METTL22: variants seen among roughly 807,000 people sequenced by gnomAD.
METTL22 encodes methyltransferase 22, Kin17 lysine.
A neutral mutation model predicts 48.4 loss-of-function variants in METTL22; 51 were observed. The observed-to-expected ratio is 1.05, with a 90% CI of 0.84 to 1.33. The LOEUF (loss-of-function observed/expected upper bound fraction) is 1.33. METTL22 is among the 40% of genes most tolerant of loss of function. METTL22 has a pLI of 0.00. For missense variants in METTL22, 678 were observed against 526.9 expected (o/e 1.29, Z -2.81); for synonymous variants, 255 against 214.1 (o/e 1.19, Z -1.67).
chr16:8,632,318 G>T (rs532402630), intron 3 of METTL22, among the ~76,000 whole-genome samples: 1 of 152,254 alleles, frequency 6.6e-6, no homozygotes, highest in African/African-American at 2.4e-5. Context: ...TCTTAGATCA[G>T]TTCTTGGTCA....
Position 8,648,763 on chromosome 16 carries a change from G to C in METTL22, c.*2620G>C, listed in dbSNP as rs1036671824. The C allele has an allele frequency of 6.6e-6, 1 of 152,248 alleles. No homozygotes were observed. The highest frequency in any genetic ancestry group is 6.5e-5 in the Admixed American group (1 of 15,272). 9.4% of individuals were successfully genotyped at this position (152,248 alleles called of 1,614,324 possible). ...GACTGCACCATTGCACTCTGGCCTG[G>C]GCAACAGAGAGAGATCCTGTCTCCA... is the stretch of plus-strand genomic sequence containing the variant. On this transcript the variant is annotated 3_prime_UTR_variant, in exon 11 of 11. Coordinates refer to ENST00000381920, the MANE Select transcript of METTL22 (RefSeq NM_024109.4).
chr16:8,645,932 C>A, intron 10 of METTL22, 176 bp from the exon 11 acceptor site: 1 of 1,407,686 alleles, frequency 7.1e-7, no homozygotes, highest in Non-Finnish European at 9.2e-7. Context: ...TAAAATAGAA[C>A]AGCCCAGAGC....
chr16:8,641,504 G>T (rs1235820382), intron 7 of METTL22: 2 of 528,812 alleles, frequency 3.8e-6, no homozygotes, highest in Non-Finnish European at 7.3e-6. Flanking sequence ...GCATAGACCC[G>T]AGTTTGTCAG....
the METTL22 span, among the ~76,000 whole-genome samples, chr16:8,664,562 T>A: frequency 6.6e-6 from 1 of 152,122 alleles, no homozygotes; most frequent in African/African-American, 2.4e-5. Context: ...CAAGCAGTGC[T>A]CCCACCTTGG....
At chr16:8,652,625 C>T (rs1477169185), downstream of METTL22, among the ~76,000 whole-genome samples, 2 of 151,882 alleles carry the variant, frequency 1.3e-5, no homozygotes, top group Non-Finnish European at 2.9e-5. Context: ...TGAGACCAGC[C>T]TGGGCAACAT....
At position 8,625,723 on chromosome 16, in the gene METTL22, G is replaced by A. The variant is rs532959317; in HGVS notation, c.58G>A (p.Val20Met). ...MDEVTFRSDT[V>M]LSDVHLYTPN... ...CGAGGTCACCTTTAGGAGCGACACT[G>A]TGCTGTCAGATGTCCACCTCTATAC... The change falls in exon 2 of 11, where the codon GTG becomes ATG. Residue 20 changes from valine to methionine, a missense_variant. Physicochemically the swap from Val to Met is conservative, Grantham distance 21. Coordinates refer to ENST00000381920, the MANE Select transcript of METTL22 (RefSeq NM_024109.4). 4 of 1,614,196 alleles carry A rather than the reference G, an allele frequency of 2.5e-6. No individual in the cohort carries two copies. The highest frequency in any genetic ancestry group is 1.1e-5 in the South Asian group (1 of 91,082).
In METTL22 at chr16:8,642,198, G is replaced by T. The variant is rs1173233031; in HGVS notation, c.898G>T (p.Ala300Ser). ...GTACGATCACACCACCATCCTGTTT[G>T]CAGCCGAAGGTAAGAAAATTTCTCC... is the stretch of plus-strand genomic sequence containing the variant. ...DLYDHTTILF[A>S]AEVFYDDDLT... The change falls in exon 8 of 11, where the codon GCA (alanine) becomes TCA (serine). Residue 300 changes from alanine (A) to serine (S), a missense_variant. Ala to Ser is a moderately conservative substitution (Grantham distance 99). Transcript: ENST00000381920. 1 of 1,613,088 alleles carries T rather than the reference G, an allele frequency of 6.2e-7. No homozygotes were observed. The highest frequency in any genetic ancestry group is 1.1e-5 in the South Asian group (1 of 91,066).
intron 1 of METTL22, 89 bp from the exon 2 acceptor site, chr16:8,625,407 T>C: frequency 3.4e-6 from 1 of 289,950 alleles, no homozygotes; most frequent in Admixed American, 5.0e-5. Flanking sequence ...AAGGTTACTA[T>C]GAAAATGAAT....
In METTL22 at chr16:8,635,209, C is replaced by G. The variant is rs763995647; in HGVS notation, c.597C>G (p.Phe199Leu). Residue 199 changes from phenylalanine to leucine, a missense_variant, in exon 5 of 11, where the codon TTC becomes TTG. Phe to Leu is a conservative substitution (Grantham distance 22). Coordinates refer to ENST00000381920, the MANE Select transcript of METTL22 (RefSeq NM_024109.4). ...GALLLADYIL[F>L]RQDLFRGCTA... ...TGCTCCTGGCAGACTACATCCTGTT[C>G]CGACAGGACCTCTTCCGAGGATGTA... 5 of 1,610,878 alleles carry G rather than the reference C, an allele frequency of 3.1e-6. No homozygotes were observed. Among genetic ancestry groups the G allele is most frequent in the East Asian group, 2.2e-5 (1 of 44,824 alleles).
At chr16:8,642,635 T>C in intron 9 of METTL22, 70 bp downstream of exon 9, 1 of 1,400,598 alleles carries the variant, frequency 7.1e-7, no homozygotes, top group Non-Finnish European at 1.0e-6. Flanking sequence ...CCTAATTGTG[T>C]CCTTGTCAGT....
At chr16:8,624,275 A>G (rs931070272) in intron 1 of METTL22, among the ~76,000 whole-genome samples, 2 of 151,924 alleles carry the variant, frequency 1.3e-5, no homozygotes, top group South Asian at 2.1e-4. Flanking sequence ...AGTTTTAGTT[A>G]TTAATGTGTC....
chr16:8,645,243 G>A (rs540600466), intron 10 of METTL22, among the ~76,000 whole-genome samples: 11 of 152,282 alleles, frequency 7.2e-5, no homozygotes, highest in Middle Eastern at 3.4e-3. Flanking sequence ...CTCTATGTCT[G>A]TGGAGACCCG....
At chr16:8,665,581 C>T in the METTL22 span, among the ~76,000 whole-genome samples, 3 of 152,218 alleles carry the variant, frequency 2.0e-5, no homozygotes, top group African/African-American at 4.8e-5. Context: ...ATCTGGTTAA[C>T]AAGTACCCAG....
the METTL22 span, among the ~76,000 whole-genome samples, chr16:8,662,483 A>G: frequency 6.9e-6 from 1 of 144,320 alleles, no homozygotes; most frequent in Admixed American, 7.1e-5. Context: ...CTCAGGCTTC[A>G]GGAAACAACT....
intron 4 of METTL22, 30 bp from the exon 5 acceptor site, chr16:8,635,138 G>A (rs375121941): frequency 6.2e-7 from 1 of 1,613,832 alleles, no homozygotes; most frequent in African/African-American, 1.3e-5. Flanking sequence ...GCCTCACGCT[G>A]CTTGTCGCTC....
chr16:8,628,251 G>A (rs960627756), intron 2 of METTL22, among the ~76,000 whole-genome samples: 1 of 152,196 alleles, frequency 6.6e-6, no homozygotes, highest in African/African-American at 2.4e-5. Context: ...TGTACCCCCA[G>A]CACCTGGCAT....
chr16:8,662,283 A>G, the METTL22 span, among the ~76,000 whole-genome samples: 2 of 145,442 alleles, frequency 1.4e-5, 1 homozygote, highest in South Asian at 4.4e-4. Context: ...GGTGGGATCT[A>G]ACACCGGTTC....
chr16:8,664,159 C>G, the METTL22 span, among the ~76,000 whole-genome samples: 2 of 151,442 alleles, frequency 1.3e-5, no homozygotes, highest in Admixed American at 6.6e-5. Context: ...GTGATGTCGG[C>G]TCACTGCATC....
Position 8,646,242 on chromosome 16 carries a change from T to C in METTL22, c.*99T>C. The C allele has an allele frequency of 6.7e-7, 1 of 1,482,628 alleles. No individual in the cohort carries two copies. The highest frequency in any genetic ancestry group is 1.4e-5 in the African/African-American group (1 of 72,322). 91.8% of individuals were successfully genotyped at this position (1,482,628 alleles called of 1,614,324 possible). A position where few individuals can be genotyped will look rare whatever the true frequency, so the allele number is the denominator to read the frequency against. On this transcript the variant is annotated 3_prime_UTR_variant, in exon 11 of 11. Coordinates refer to ENST00000381920, the MANE Select transcript of METTL22 (RefSeq NM_024109.4). ...AAGCAACATGCTTGAGATTTTGTCA[T>C]TTTAAAAATATGGTTACACGTACCT...
Sources: allele counts gnomAD v4.1 joint callset (sites outside exome capture counted in the v4.1 genomes callset), GRCh38; gene constraint gnomAD v4.1.1; transcripts MANE v1.5; gene names NCBI Gene and HGNC (gene_info 2026-07-23, HGNC 2026-07-21).